The following NAALADL2 variants were observed in gnomAD, a reference collection of about 807,000 sequenced individuals.
The protein encoded by NAALADL2 is inactive N-acetylated-alpha-linked acidic dipeptidase-like protein 2.
NAALADL2 carries 76 observed loss-of-function variants against 87.2 expected under a neutral mutation model. The observed-to-expected ratio is 0.87, with a 90% confidence interval of 0.72 to 1.05. NAALADL2 has a LOEUF of 1.05. Ranked by LOEUF, NAALADL2 falls within the 50% of genes least tolerant of loss-of-function variation. The probability of loss-of-function intolerance (pLI) is 0.00; values close to 1 mark genes in which losing one functional copy is unlikely to be tolerated. For missense variants in NAALADL2, 1,089 were observed against 945.8 expected, an observed-to-expected ratio of 1.15 and a Z score of -1.99; for synonymous variants, 354 against 331.0, an observed-to-expected ratio of 1.07 and a Z score of -0.75.
intron 2 of NAALADL2, among the ~76,000 whole-genome samples, chr3:175,160,360 C>CTTTTTTTTTTCTTTTTTTTT (rs1732977768): frequency 3.5e-5 from 2 of 57,036 alleles, no homozygotes; most frequent in African/African-American, 1.1e-4. Flanking sequence ...TCTTTTCTTT[C>CTTTTTTTTTTCTTTTTTTTT]TTTTTTTTTT....
chr3:174,964,621 T>G (rs2108576311), intron 1 of NAALADL2, among the ~76,000 whole-genome samples: 3 of 152,006 alleles, frequency 2.0e-5, no homozygotes, highest in Middle Eastern at 3.4e-3. Flanking sequence ...TGTCTTTCAA[T>G]AAGAAGGGAA....
At chr3:174,857,706 A>G (rs1726005600), upstream of NAALADL2, among the ~76,000 whole-genome samples, 1 of 152,122 alleles carries the variant, frequency 6.6e-6, no homozygotes, top group Non-Finnish European at 1.5e-5. Context: ...CAATTGCTAT[A>G]GGCAAAGGGT....
At chr3:175,687,986 C>T (rs1036827931) in intron 11 of NAALADL2, among the ~76,000 whole-genome samples, 2 of 152,032 alleles carry the variant, frequency 1.3e-5, no homozygotes, top group Non-Finnish European at 2.9e-5. Flanking sequence ...AACCTCTTTT[C>T]TTTGTAAATT....
chr3:174,466,948 A>T (rs1403163518), intron 1 of NAALADL2, among the ~76,000 whole-genome samples: 1 of 152,146 alleles, frequency 6.6e-6, no homozygotes. Context: ...AGTCATGATG[A>T]TACTTTTAGA....
chr3:174,717,258 C>G (rs1731275424), intron 2 of NAALADL2, among the ~76,000 whole-genome samples: 1 of 151,926 alleles, frequency 6.6e-6, no homozygotes, highest in African/African-American at 2.4e-5. Context: ...TTAATTGTGT[C>G]AAGTCCCAGA....
At chr3:174,572,742 T>C (rs1191958810) in intron 2 of NAALADL2, among the ~76,000 whole-genome samples, 1 of 152,200 alleles carries the variant, frequency 6.6e-6, no homozygotes, top group Non-Finnish European at 1.5e-5. Context: ...TTTAAAAATG[T>C]TATTCCTGGT....
intron 5 of NAALADL2, among the ~76,000 whole-genome samples, chr3:175,353,757 C>A (rs1483114830): frequency 6.6e-6 from 1 of 152,164 alleles, no homozygotes; most frequent in Non-Finnish European, 1.5e-5. Flanking sequence ...AACCTAGTTT[C>A]CAAATACAGC....
At chr3:174,604,198 T>C (rs1178084885) in intron 2 of NAALADL2, among the ~76,000 whole-genome samples, 1 of 152,200 alleles carries the variant, frequency 6.6e-6, no homozygotes, top group Non-Finnish European at 1.5e-5. Context: ...ACTATTATTG[T>C]ATTTCTCTTT....
intron 2 of NAALADL2, among the ~76,000 whole-genome samples, chr3:175,108,821 C>A (rs1723695085): frequency 6.6e-6 from 1 of 151,826 alleles, no homozygotes; most frequent in Non-Finnish European, 1.5e-5. Flanking sequence ...CAAAGATAGA[C>A]AAATATTTAT....
intron 3 of NAALADL2, among the ~76,000 whole-genome samples, chr3:175,255,263 A>G (rs1192676760): frequency 6.6e-6 from 1 of 152,190 alleles, no homozygotes; most frequent in African/African-American, 2.4e-5. Flanking sequence ...TGCCAGAAAT[A>G]TTTTCTCTAA....
intron 5 of NAALADL2, among the ~76,000 whole-genome samples, chr3:175,325,671 C>G (rs183459616): frequency 1.8e-3 from 267 of 152,326 alleles, no homozygotes; most frequent in Non-Finnish European, 2.9e-3. Flanking sequence ...GGCACCATTA[C>G]TCAACATTTT....
chr3:174,525,414 G>A (rs898474675), intron 1 of NAALADL2, among the ~76,000 whole-genome samples: 2 of 152,006 alleles, frequency 1.3e-5, no homozygotes, highest in African/African-American at 4.8e-5. Context: ...GATGGCGAGA[G>A]CAATAGCAAG....
intron 3 of NAALADL2, among the ~76,000 whole-genome samples, chr3:174,750,207 G>T (rs950867701): frequency 3.9e-5 from 6 of 152,104 alleles, no homozygotes; most frequent in Admixed American, 2.0e-4. Context: ...TAAAAGATAA[G>T]AATGGGCACT....
intron 9 of NAALADL2, among the ~76,000 whole-genome samples, chr3:175,474,462 A>T (rs1322579116): frequency 6.6e-6 from 1 of 152,198 alleles, no homozygotes; most frequent in Non-Finnish European, 1.5e-5. Flanking sequence ...AGGAGTTGGT[A>T]GTCCCACAGT....
intron 2 of NAALADL2, chr3:174,551,459 T>A (rs1277012423): frequency 6.6e-6 from 1 of 152,242 alleles, no homozygotes; most frequent in South Asian, 2.1e-4. Flanking sequence ...CACATCATTT[T>A]AAATAAAATG....
At chr3:175,541,459 T>C (rs1712322840) in intron 9 of NAALADL2, among the ~76,000 whole-genome samples, 1 of 152,216 alleles carries the variant, frequency 6.6e-6, no homozygotes, top group South Asian at 2.1e-4. Flanking sequence ...AAGCCGATTT[T>C]ATAATAAAAT....
At position 174,649,680 on chromosome 3, in the gene NAALADL2, C is replaced by T. The variant is rs1303267433; in HGVS notation, c.-114-87961C>T. Among the ~76,000 whole-genome samples the T allele has an allele frequency of 2.6e-5, 4 of 152,052 alleles. No individual in the cohort carries two copies. The South Asian group carries it at 6.2e-4, about 24-fold the overall frequency. ...TTGGAAATAGGCTAGAGGGAAAGAA[C>T]AGCAGAAAGAAATATATCATCCCCA... On this transcript the variant is annotated intron_variant, in intron 2 of 3. Transcript: ENST00000434257.
At chr3:175,168,162 T>TA (rs35115728) in intron 2 of NAALADL2, among the ~76,000 whole-genome samples, 46,132 of 151,628 alleles carry the variant, frequency 0.3, 7,225 homozygotes, top group South Asian at 0.36. Flanking sequence ...TAAGTTACAT[T>TA]AAAAAATATT....
At chr3:175,092,882 A>G (rs561541999) in intron 1 of NAALADL2, among the ~76,000 whole-genome samples, 2 of 151,944 alleles carry the variant, frequency 1.3e-5, no homozygotes, top group Non-Finnish European at 2.9e-5. Flanking sequence ...AATATGGAAA[A>G]TATATTACAC....
Sources: allele counts gnomAD v4.1 joint callset (sites outside exome capture counted in the v4.1 genomes callset), GRCh38; gene constraint gnomAD v4.1.1; transcripts MANE v1.5; gene names NCBI Gene and HGNC (gene_info 2026-07-23, HGNC 2026-07-21).